HIVEP3: variants seen among roughly 807,000 people sequenced by gnomAD.
HIVEP3 encodes HIVEP zinc finger 3.
HIVEP3 carries 49 observed loss-of-function variants against 152.8 expected under a neutral mutation model. That is an observed-to-expected ratio of 0.32 (90% CI 0.26 to 0.41). The LOEUF (loss-of-function observed/expected upper bound fraction) is 0.41, where lower values mean the gene tolerates loss of function less well. HIVEP3 is among the 10% of genes least tolerant of loss of function. HIVEP3 has a pLI of 1.00. For missense variants in HIVEP3, 2,790 were observed against 3,103.3 expected (o/e 0.90, Z 2.40); for synonymous variants, 1,269 against 1,289.0 (o/e 0.98, Z 0.33).
chr1:41,808,965 T>C (rs1166530734), intron 1 of HIVEP3, among the ~76,000 whole-genome samples: 1 of 152,222 alleles, frequency 6.6e-6, no homozygotes. Flanking sequence ...ATTTCCATTT[T>C]GAAAAGGAGT....
intron 1 of HIVEP3, among the ~76,000 whole-genome samples, chr1:41,785,470 A>G (rs898116460): frequency 1.3e-5 from 2 of 152,230 alleles, no homozygotes; most frequent in African/African-American, 4.8e-5. Context: ...ATTATTTAAC[A>G]TAACGAAAAA....
chr1:41,525,884 A>G (rs1642886343), intron 5 of HIVEP3, among the ~76,000 whole-genome samples: 1 of 152,102 alleles, frequency 6.6e-6, no homozygotes, highest in African/African-American at 2.4e-5. Flanking sequence ...ACCCTGGCAT[A>G]ATTCCAGGAG....
At chr1:41,820,770 C>T (rs909448423) in intron 1 of HIVEP3, among the ~76,000 whole-genome samples, 4 of 152,188 alleles carry the variant, frequency 2.6e-5, no homozygotes, top group African/African-American at 9.7e-5. Flanking sequence ...AATGTTAGCT[C>T]CACGAAGGAG....
intron 1 of HIVEP3, among the ~76,000 whole-genome samples, chr1:41,827,138 C>T (rs1248718364): frequency 6.6e-6 from 1 of 152,154 alleles, no homozygotes; most frequent in Non-Finnish European, 1.5e-5. Context: ...GGGCTGCTGA[C>T]GGCCATAATC....
At chr1:41,722,633 T>G (rs370707691) in intron 1 of HIVEP3, among the ~76,000 whole-genome samples, 1 of 150,412 alleles carries the variant, frequency 6.6e-6, no homozygotes, top group Admixed American at 6.7e-5. Context: ...ATGTGGCAGG[T>G]GCAATGCAGC....
At chr1:41,813,816 G>A (rs1183887611) in intron 1 of HIVEP3, among the ~76,000 whole-genome samples, 1 of 152,170 alleles carries the variant, frequency 6.6e-6, no homozygotes, top group African/African-American at 2.4e-5. Flanking sequence ...AGAGACACAT[G>A]TAGAAGGGAA....
rs186005492 is a variant in HIVEP3 at position 41,707,845 on chromosome 1, C to T, written c.-800-6850G>A. Among the ~76,000 whole-genome samples the T allele has an allele frequency of 2.0e-5, 3 of 152,330 alleles. No homozygotes were observed. In the East Asian group the frequency reaches 5.8e-4, roughly 29 times the overall value. On this transcript the variant is annotated intron_variant, in intron 1 of 8. Transcript: ENST00000372583. ...TGCCAAGTGCTTAGCACCTTACCTG[C>T]CCTAATGAATACATGCTCAATAACG...
intron 1 of HIVEP3, among the ~76,000 whole-genome samples, chr1:41,743,576 T>A (rs916197155): frequency 6.6e-6 from 1 of 152,188 alleles, no homozygotes; most frequent in Non-Finnish European, 1.5e-5. Flanking sequence ...CAGCTGCCCC[T>A]TTCTGAATGT....
intron 1 of HIVEP3, among the ~76,000 whole-genome samples, chr1:41,991,027 T>C (rs1287478852): frequency 2.4e-4 from 33 of 139,876 alleles, no homozygotes; most frequent in Non-Finnish European, 4.5e-4. Context: ...TTTATAGCAC[T>C]AAATGCCCAC....
At chr1:41,824,784 T>TAGAG (rs397979993) in intron 1 of HIVEP3, among the ~76,000 whole-genome samples, 138 of 11,224 alleles carry the variant, frequency 0.012, no homozygotes, top group Non-Finnish European at 0.016. Context: ...TATATATATA[T>TAGAG]AGAGAGAGAG....
chr1:41,544,811 T>TACCACCACTACTACCACCACC (rs1558046048), intron 5 of HIVEP3, among the ~76,000 whole-genome samples: 40 of 30,456 alleles, frequency 1.3e-3, no homozygotes, highest in Non-Finnish European at 1.5e-3. Flanking sequence ...CCACCACCAC[T>TACCACCACTACTACCACCACC]ACCACCTCTA....
At chr1:41,515,068 G>A (rs72949383) in intron 7 of HIVEP3, among the ~76,000 whole-genome samples, 2,571 of 152,290 alleles carry the variant, frequency 0.017, 73 homozygotes, top group African/African-American at 0.059. Context: ...ATTGGAACCT[G>A]TTTCTGGTCT....
intron 2 of HIVEP3, among the ~76,000 whole-genome samples, chr1:41,639,343 C>T (rs1432698179): frequency 6.6e-6 from 1 of 152,170 alleles, no homozygotes; most frequent in Non-Finnish European, 1.5e-5. Context: ...CATGGTATAG[C>T]ATAGCGAGTT....
chr1:41,734,425 C>T (rs1044872168), intron 1 of HIVEP3, among the ~76,000 whole-genome samples: 17 of 152,270 alleles, frequency 1.1e-4, no homozygotes, highest in African/African-American at 4.1e-4. Context: ...ACTAACTCGG[C>T]AAATGTTTCC....
intron 6 of HIVEP3, among the ~76,000 whole-genome samples, chr1:41,520,196 G>C (rs551375674): frequency 2.2e-4 from 34 of 152,158 alleles, no homozygotes; most frequent in Non-Finnish European, 4.3e-4. Context: ...TTAGGGTTTT[G>C]CTAAGAGGTT....
chr1:41,823,671 G>T (rs1049114233), intron 1 of HIVEP3, among the ~76,000 whole-genome samples: 23 of 152,200 alleles, frequency 1.5e-4, no homozygotes, highest in Non-Finnish European at 8.8e-5. Flanking sequence ...GAGGGGCAGG[G>T]TGCAGAGAGG....
At chr1:41,699,810 C>T (rs944828730) in intron 2 of HIVEP3, among the ~76,000 whole-genome samples, 1 of 152,098 alleles carries the variant, frequency 6.6e-6, no homozygotes, top group East Asian at 1.9e-4. Flanking sequence ...CTTTCCTCCC[C>T]ACCCTCCCAC....
At chr1:41,763,760 G>A (rs1216069298) in intron 1 of HIVEP3, among the ~76,000 whole-genome samples, 1 of 152,222 alleles carries the variant, frequency 6.6e-6, no homozygotes, top group Non-Finnish European at 1.5e-5. Context: ...GTTAGTGGAG[G>A]TAAAATACAC....
chr1:41,785,083 A>T (rs1649270279), intron 1 of HIVEP3, among the ~76,000 whole-genome samples: 1 of 152,180 alleles, frequency 6.6e-6, no homozygotes, highest in African/African-American at 2.4e-5. Flanking sequence ...CTTTAGACAT[A>T]GTTCTCTCTT....
Sources: gnomAD v4.1 joint callset for allele counts (sites outside exome capture counted in the v4.1 genomes callset) on GRCh38, gnomAD v4.1.1 for gene constraint, MANE v1.5 for transcripts, NCBI Gene and HGNC (gene_info 2026-07-23, HGNC 2026-07-21) for gene names.